HCN4: variants seen among roughly 807,000 people sequenced by gnomAD.
HCN4 encodes hyperpolarization activated cyclic nucleotide gated potassium channel 4.
HCN4 carries 29 observed loss-of-function variants against 76.9 expected under a neutral mutation model. The observed-to-expected ratio is 0.38, with a 90% CI of 0.28 to 0.51. HCN4 has a LOEUF of 0.51. HCN4 is among the 20% of genes least tolerant of loss of function. HCN4 has a pLI of 0.90. For synonymous variants in HCN4, 772 were observed against 762.5 expected (o/e 1.01, Z -0.21); for missense variants, 1,416 against 1,715.2 (o/e 0.83, Z 3.08).
Position 73,322,107 on chromosome 15 carries a change from G to A in HCN4, c.*374C>T, listed in dbSNP as rs2042862380. 2 of 283,066 alleles carry A rather than the reference G, an allele frequency of 7.1e-6. No homozygotes were observed. Among genetic ancestry groups the A allele is most frequent in the Non-Finnish European group, 1.4e-5 (2 of 147,342 alleles). The allele number at this position is 283,066 out of a possible 1,614,324, so 17.5% of individuals were successfully genotyped here. A position where few individuals can be genotyped will look rare whatever the true frequency, so the allele number is the denominator to read the frequency against. On this transcript the variant is annotated 3_prime_UTR_variant, in exon 8 of 8. Transcript: ENST00000261917. ...CCAAGTTACAGCTAACGGGCTGATGGCAGCTGTTTCTCTAAATGAACACAA... is the reference window on the plus strand; with the variant it reads ...CCAAGTTACAGCTAACGGGCTGATGACAGCTGTTTCTCTAAATGAACACAA...
chr15:73,367,424 CAGG>C lies in HCN4; in HGVS notation c.785+59_785+61del, dbSNP rs2043133343. 1.9e-6 allele frequency: 3 copies of C among 1,609,020 alleles called. No individual in the cohort carries two copies. Among genetic ancestry groups the C allele is most frequent in the East Asian group, 2.2e-5 (1 of 44,812 alleles). ...GTTAACTCCGGCTGGGAGGCAGGGT[CAGG>C]AGGAGGCATGCCTGCCACCGCGCAG... On this transcript the variant is annotated intron_variant, in intron 1 of 7. Coordinates refer to ENST00000261917, the MANE Select transcript of HCN4 (RefSeq NM_005477.3). This position sits in a 1 kb window ranked among gnomAD's most constrained non-coding sequence, Gnocchi z 7.5.
At position 73,323,176 on chromosome 15, in the gene HCN4, C is replaced by G; in HGVS notation, c.2917G>C (p.Gly973Arg). 6.4e-7 allele frequency: 1 copy of G among 1,554,500 alleles called. No homozygotes were observed. Residue 973 changes from glycine (G) to arginine (R), a missense_variant, in exon 8 of 8, where the codon GGG becomes CGG. Gly to Arg is a moderately radical substitution (Grantham distance 125, BLOSUM62 -2). Coordinates refer to ENST00000261917, the MANE Select transcript of HCN4 (RefSeq NM_005477.3). ...PSSRSPSSSP[G>R]QLGQPPGELS... ...TCCCCGGGAGGCTGGCCCAGCTGCC[C>G]GGGGCTAGATGACGGGGATCTGGAT...
intron 1 of HCN4, among the ~76,000 whole-genome samples, chr15:73,350,733 C>T (rs1300935432): frequency 6.6e-6 from 1 of 152,118 alleles, no homozygotes; most frequent in Non-Finnish European, 1.5e-5. Flanking sequence ...TGATACCATC[C>T]CCATTTTCCT....
chr15:73,323,835 G>A lies in HCN4; in HGVS notation c.2258C>T (p.Ala753Val), dbSNP rs1480069560. ...QQIVQHDREM[A>V]HCAHRVQAAA... Reference sequence around the variant, plus strand: ...AGCCTGGACGCGGTGCGCGCAGTGGGCCATCTCCCGGTCATGCTGCACAAT... The same window carrying A: ...AGCCTGGACGCGGTGCGCGCAGTGGACCATCTCCCGGTCATGCTGCACAAT... Residue 753 changes from alanine (A) to valine (V), a missense_variant, in exon 8 of 8, where the codon GCC becomes GTC. Around this residue, in one of 6 missense-constraint regions of HCN4, gnomAD observed 241 missense variants for 379.4 expected, o/e 0.64. Transcript: ENST00000261917. 2 of 1,605,656 alleles carry A rather than the reference G, an allele frequency of 1.2e-6. No homozygotes were observed. Among genetic ancestry groups the A allele is most frequent in the Non-Finnish European group, 1.7e-6 (2 of 1,179,912 alleles).
At position 73,368,289 on chromosome 15, in the gene HCN4, C is replaced by A; in HGVS notation, c.-19G>T. Reference sequence around the variant, plus strand: ...TGTCCATGGCGCCAGGGGCCGGGGTCGGACCGGGCCGGGGGCAGGAGCGCG... The same window carrying A: ...TGTCCATGGCGCCAGGGGCCGGGGTAGGACCGGGCCGGGGGCAGGAGCGCG... On this transcript the variant is annotated 5_prime_UTR_variant, in exon 1 of 8. Transcript: ENST00000261917. The surrounding 1 kb of genome is among the most constrained non-coding windows in gnomAD (Gnocchi z 6.9). The A allele has an allele frequency of 6.8e-7, 1 of 1,471,126 alleles. No homozygotes were observed. The highest frequency in any genetic ancestry group is 1.3e-5 in the South Asian group (1 of 77,866). The allele number at this position is 1,471,126 out of a possible 1,614,324, so 91.1% of individuals were successfully genotyped here. A position where few individuals can be genotyped will look rare whatever the true frequency, so the allele number is the denominator to read the frequency against.
Position 73,332,429 on chromosome 15 carries a change from G to C in HCN4, c.1210-137C>G, listed in dbSNP as rs890782408. 23 of 840,016 alleles carry C rather than the reference G, an allele frequency of 2.7e-5. No individual in the cohort carries two copies. The East Asian group carries it at 5.3e-4, about 19-fold the overall frequency. 52.0% of individuals were successfully genotyped at this position (840,016 alleles called of 1,614,324 possible). On this transcript the variant is annotated intron_variant, in intron 2 of 7. Transcript: ENST00000261917. Reference sequence around the variant, plus strand: ...AGGGCGCCCACTCAGTGCAAATCCAGGCTGGGGGTGGGATGGGAAGGCGTC... The same window carrying C: ...AGGGCGCCCACTCAGTGCAAATCCACGCTGGGGGTGGGATGGGAAGGCGTC...
At position 73,367,505 on chromosome 15, in the gene HCN4, G is replaced by A. The variant is rs2043133949; in HGVS notation, c.766C>T (p.His256Tyr). Residue 256 changes from histidine (H) to tyrosine (Y), a missense_variant, in exon 1 of 8, where the codon CAC becomes TAC. Transcript: ENST00000261917. This position sits in a 1 kb window ranked among gnomAD's most constrained non-coding sequence, Gnocchi z 7.5. ...RVKSAGFWII[H>Y]PYSDFRFYWD... Reference sequence around the variant, plus strand: ...CCTTACCTGAAGTCACTGTAGGGGTGGATAATCCAAAATCCGGCCGACTTG... The same window carrying A: ...CCTTACCTGAAGTCACTGTAGGGGTAGATAATCCAAAATCCGGCCGACTTG... The A allele has an allele frequency of 5.6e-6, 9 of 1,613,842 alleles. No individual in the cohort carries two copies. Among genetic ancestry groups the A allele is most frequent in the Non-Finnish European group, 7.6e-6 (9 of 1,180,006 alleles).
intron 1 of HCN4, among the ~76,000 whole-genome samples, chr15:73,350,471 C>T (rs944198094): frequency 6.6e-6 from 1 of 152,220 alleles, no homozygotes. Context: ...TCCCCTGATC[C>T]TTCCAGGAGA....
At chr15:73,333,332 C>T (rs781050522) in intron 2 of HCN4, among the ~76,000 whole-genome samples, 10 of 152,318 alleles carry the variant, frequency 6.6e-5, no homozygotes, top group Middle Eastern at 3.4e-3. Flanking sequence ...TCTAGCCACC[C>T]AGCCCCCATT....
At chr15:73,331,426 A>T (rs1359284504) in intron 3 of HCN4, among the ~76,000 whole-genome samples, 1 of 152,298 alleles carries the variant, frequency 6.6e-6, no homozygotes, top group South Asian at 2.1e-4. Flanking sequence ...GGCTGCAAAT[A>T]GTACCCTTGA....
intron 6 of HCN4, 53 bp from the exon 7 acceptor site, chr15:73,324,306 G>A: frequency 6.3e-7 from 1 of 1,589,314 alleles, no homozygotes; most frequent in South Asian, 1.1e-5. Flanking sequence ...CCCAGGCCAG[G>A]GGGACTGCCC....
At chr15:73,341,072 GTGTGT>G (rs1567784625) in intron 2 of HCN4, 9 of 20,310 alleles carry the variant, frequency 4.4e-4, no homozygotes, top group African/African-American at 5.8e-4. Flanking sequence ...GGAGGTAGGT[GTGTGT>G]GTGTGTGTGT....
In HCN4 at chr15:73,328,949, G is replaced by T. The variant is rs755378967; in HGVS notation, c.1590+624C>A. On this transcript the variant is annotated intron_variant, in intron 4 of 7. Coordinates refer to ENST00000261917, the MANE Select transcript of HCN4 (RefSeq NM_005477.3). The surrounding 1 kb of genome is among the most constrained non-coding windows in gnomAD (Gnocchi z 4.0). ...AGGGCAGCCTTCTCATTACAGACAT[G>T]AGGGGCGTGGGGTGTCCAGAGAGGG... 1.3e-5 allele frequency among the ~76,000 whole-genome samples: 2 copies of T among 152,196 alleles called. No individual in the cohort carries two copies. The highest frequency in any genetic ancestry group is 2.9e-5 in the Non-Finnish European group (2 of 68,028).
In HCN4 at chr15:73,321,281, C is replaced by G. The variant is rs1252568146; in HGVS notation, c.*1200G>C. 1 of 152,188 alleles carries G rather than the reference C, an allele frequency of 6.6e-6. No homozygotes were observed. The highest frequency in any genetic ancestry group is 2.4e-5 in the African/African-American group (1 of 41,436). The allele number at this position is 152,188 out of a possible 1,614,324, so 9.4% of individuals were successfully genotyped here. A position where few individuals can be genotyped will look rare whatever the true frequency, so the allele number is the denominator to read the frequency against. ...TGTACCATGCTTGGGGACCATCTAC[C>G]TCAGCCCCCCTCAACACAGTTTTCT... On this transcript the variant is annotated 3_prime_UTR_variant, in exon 8 of 8. Coordinates refer to ENST00000261917, the MANE Select transcript of HCN4 (RefSeq NM_005477.3).
At chr15:73,326,354 G>A (rs2042899342) in intron 4 of HCN4, among the ~76,000 whole-genome samples, 1 of 152,200 alleles carries the variant, frequency 6.6e-6, no homozygotes, top group South Asian at 2.1e-4. Flanking sequence ...AACACCCACG[G>A]GCAAATGAGG....
Position 73,323,392 on chromosome 15 carries a change from C to T in HCN4, c.2701G>A (p.Ala901Thr), listed in dbSNP as rs201742383. The change falls in exon 8 of 8, where the codon GCC (alanine) becomes ACC (threonine). Residue 901 changes from alanine (A) to threonine (T), a missense_variant. Coordinates refer to ENST00000261917, the MANE Select transcript of HCN4 (RefSeq NM_005477.3). ...TGGCCAAACCCGGCTATGGTGGTGGCGGCTACGCCAGCTGATGGTGTGGGA... is the reference window on the plus strand; with the variant it reads ...TGGCCAAACCCGGCTATGGTGGTGGTGGCTACGCCAGCTGATGGTGTGGGA... ...SAPTPSAGVA[A>T]TTIAGFGHFH... 4.1e-4 allele frequency: 651 copies of T among 1,590,128 alleles called. 1 individual carries two copies. The highest frequency in any genetic ancestry group is 5.2e-4 in the Non-Finnish European group (611 of 1,169,312).
intron 1 of HCN4, among the ~76,000 whole-genome samples, chr15:73,364,853 C>A (rs539650064): frequency 1.3e-5 from 2 of 152,212 alleles, no homozygotes; most frequent in Non-Finnish European, 2.9e-5. Context: ...CTTCCTCCCC[C>A]AGCAATGGGA....
intron 4 of HCN4, among the ~76,000 whole-genome samples, chr15:73,326,751 TTTC>T (rs2042901706): frequency 6.6e-6 from 1 of 151,906 alleles, no homozygotes. Context: ...TCTGATGCAT[TTTC>T]TTTTCTTTTT....
intron 7 of HCN4, 32 bp downstream of exon 7, chr15:73,324,057 C>A (rs546202275): frequency 6.2e-6 from 10 of 1,610,204 alleles, no homozygotes; most frequent in South Asian, 3.3e-5. Flanking sequence ...CAACACCCCC[C>A]ACCTGCCCCG....
Sources: allele counts gnomAD v4.1 joint callset (sites outside exome capture counted in the v4.1 genomes callset), GRCh38; gene constraint gnomAD v4.1.1; regional missense constraint gnomAD v4.1.1; non-coding constraint Gnocchi (gnomAD v3.1); transcripts MANE v1.5; gene names NCBI Gene and HGNC (gene_info 2026-07-23, HGNC 2026-07-21).